Variants in FANCA observed in about 807,000 individuals in gnomAD.
FANCA encodes Fanconi anemia group A protein.
FANCA carries 236 observed loss-of-function variants against 194.3 expected under a neutral mutation model. The ratio of observed to expected loss-of-function variants is 1.21; its 90% CI spans 1.09 to 1.35. The LOEUF is 1.35. FANCA is among the 40% of genes most tolerant of loss of function. The pLI is 0.00. For synonymous variants in FANCA, 1,014 were observed against 715.8 expected (o/e 1.42, Z -6.65); for missense variants, 2,628 against 1,813.9 (o/e 1.45, Z -8.15).
At chr16:89,800,393 A>G (rs2040403207) in intron 8 of FANCA, among the ~76,000 whole-genome samples, 1 of 152,246 alleles carries the variant, frequency 6.6e-6, no homozygotes, top group Admixed American at 6.5e-5. Flanking sequence ...GACTTCCTCA[A>G]ACAAAGCCCA....
At chr16:89,810,242 G>C (rs1466673406) in intron 5 of FANCA, among the ~76,000 whole-genome samples, 2 of 150,452 alleles carry the variant, frequency 1.3e-5, no homozygotes, top group Non-Finnish European at 3.0e-5. Context: ...AGAATGGCGT[G>C]AACCTGGGAG....
chr16:89,789,477 G>A (rs543138898), intron 14 of FANCA, among the ~76,000 whole-genome samples: 196 of 118,584 alleles, frequency 1.7e-3, no homozygotes, highest in African/African-American at 6.3e-3. Context: ...GTCTTGCTCT[G>A]TCTCCCAGGC....
intron 17 of FANCA, among the ~76,000 whole-genome samples, chr16:89,782,182 T>C (rs1393266446): frequency 6.6e-6 from 1 of 151,012 alleles, no homozygotes; most frequent in Non-Finnish European, 1.5e-5. Context: ...GAGATCATCC[T>C]GGCTAACACG....
intron 31 of FANCA, among the ~76,000 whole-genome samples, chr16:89,751,927 C>T (rs748686832): frequency 6.6e-6 from 1 of 151,990 alleles, no homozygotes; most frequent in Admixed American, 6.6e-5. Flanking sequence ...CCCGCCACCA[C>T]GCCCGGCTAA....
intron 37 of FANCA, among the ~76,000 whole-genome samples, chr16:89,741,218 G>C (rs1415946432): frequency 1.3e-5 from 2 of 152,188 alleles, no homozygotes; most frequent in African/African-American, 4.8e-5. Flanking sequence ...AATCCTTGAA[G>C]ATAAGCCCAC....
At chr16:89,804,438 G>T (rs951401166) in intron 7 of FANCA, among the ~76,000 whole-genome samples, 4 of 152,164 alleles carry the variant, frequency 2.6e-5, no homozygotes, top group Admixed American at 2.6e-4. Flanking sequence ...CTCTAGAGCT[G>T]TCCTGCCGCC....
chr16:89,750,039 C>T lies in FANCA; in HGVS notation c.3067-137G>A. ...AAGGAACAAGTGGGGCAAGCTATTT[C>T]AATTGGAAATCACTTTGAAATTGCA... On this transcript the variant is annotated intron_variant, in intron 31 of 42. Transcript: ENST00000389301. 1.3e-5 allele frequency: 11 copies of T among 877,052 alleles called. No individual in the cohort carries two copies. In the South Asian group the frequency reaches 1.4e-4, roughly 11 times the overall value. 54.3% of individuals were successfully genotyped at this position (877,052 alleles called of 1,614,324 possible). A position where few individuals can be genotyped will look rare whatever the true frequency, so the allele number is the denominator to read the frequency against.
intron 14 of FANCA, among the ~76,000 whole-genome samples, chr16:89,786,313 A>C (rs944901255): frequency 6.6e-6 from 1 of 152,124 alleles, no homozygotes; most frequent in African/African-American, 2.4e-5. Context: ...CCTCCTGAGT[A>C]GCTGGGATTA....
chr16:89,774,051 G>A (rs1001418009), intron 21 of FANCA, among the ~76,000 whole-genome samples: 4 of 152,120 alleles, frequency 2.6e-5, no homozygotes, highest in Admixed American at 6.6e-5. Flanking sequence ...TTACGGGCAT[G>A]AGCCACTGCG....
intron 33 of FANCA, 91 bp from the exon 34 acceptor site, chr16:89,746,981 A>G: frequency 8.1e-7 from 1 of 1,233,194 alleles, no homozygotes; most frequent in South Asian, 1.3e-5. Context: ...CAGTTTTGAG[A>G]AAAACACTCG....
intron 17 of FANCA, among the ~76,000 whole-genome samples, chr16:89,780,374 T>G (rs1332857944): frequency 6.6e-6 from 1 of 152,098 alleles, no homozygotes; most frequent in Non-Finnish European, 1.5e-5. Context: ...ATAAACGCAG[T>G]GCTTTGAGAG....
At position 89,748,654 on chromosome 16, in the gene FANCA, C is replaced by T. The variant is rs1343799019; in HGVS notation, c.3348+5G>A. On this transcript the variant is annotated splice_donor_5th_base_variant and intron_variant, in intron 33 of 42. Coordinates refer to ENST00000389301, the MANE Select transcript of FANCA (RefSeq NM_000135.4). ...CGGACGGACACGTGCACACGGGGCA[C>T]CTACCATCTCAGAGTTGACCAAGTG... The T allele has an allele frequency of 6.2e-7, 1 of 1,611,120 alleles. No individual in the cohort carries two copies. Among genetic ancestry groups the T allele is most frequent in the Non-Finnish European group, 8.5e-7 (1 of 1,177,396 alleles).
Position 89,765,027 on chromosome 16 carries a change from G to T in FANCA, c.2641C>A (p.Gln881Lys). 2 of 1,614,250 alleles carry T rather than the reference G, an allele frequency of 1.2e-6. No individual in the cohort carries two copies. The highest frequency in any genetic ancestry group is 1.7e-6 in the Non-Finnish European group (2 of 1,180,040). The change falls in exon 28 of 43, where the codon CAG becomes AAG. Residue 881 changes from glutamine (Q) to lysine (K), a missense_variant. Coordinates refer to ENST00000389301, the MANE Select transcript of FANCA (RefSeq NM_000135.4). ...LMFRLFSEARQPLSEEDVASL... is the reference protein window; with the variant it reads ...LMFRLFSEARKPLSEEDVASL... ...GCTACGTCCTCCTCAGAAAGAGGCT[G>T]TCGGGCCTCTGAGAACAATCTGAAC...
At chr16:89,777,072 T>C (rs1170677846) in intron 20 of FANCA, among the ~76,000 whole-genome samples, 1 of 151,978 alleles carries the variant, frequency 6.6e-6, no homozygotes, top group Non-Finnish European at 1.5e-5. Flanking sequence ...TGGCTGGGTG[T>C]GGTGGAGCGC....
rs1567595013 is a variant in FANCA, at chr16:89,740,026, G to T, written c.3902C>A (p.Ser1301Tyr). Residue 1301 changes from serine to tyrosine, a missense_variant, in exon 39 of 43, where the codon TCC (serine) becomes TAC (tyrosine). Ser to Tyr is a moderately radical substitution (Grantham distance 144). Coordinates refer to ENST00000389301, the MANE Select transcript of FANCA (RefSeq NM_000135.4). ...TGTCAACTGAAAGAGTGCCAGCCAG[G>T]ATATCTTCCTCTTCTCTAAACACTC... Reference protein sequence around the residue: ...ILECLEKRKISWLALFQLTES... With the variant: ...ILECLEKRKIYWLALFQLTES... The T allele has an allele frequency of 6.2e-7, 1 of 1,614,150 alleles. No homozygotes were observed. The highest frequency in any genetic ancestry group is 1.1e-5 in the South Asian group (1 of 91,088).
rs568414978 is a variant in FANCA at position 89,783,708 on chromosome 16, G to A, written c.1471-606C>T. On this transcript the variant is annotated intron_variant, in intron 15 of 42. Transcript: ENST00000389301. Reference sequence around the variant, plus strand: ...GCAGCGGCAGCAGGAACCGGCCCCGGCCGCCTGCAGCTCCATGCCTTTGAC... The same window carrying A: ...GCAGCGGCAGCAGGAACCGGCCCCGACCGCCTGCAGCTCCATGCCTTTGAC... 5.3e-5 allele frequency among the ~76,000 whole-genome samples: 8 copies of A among 152,304 alleles called. No homozygotes were observed. The South Asian group carries it at 1.7e-3, about 32-fold the overall frequency.
chr16:89,750,382 C>T (rs1488186758), intron 31 of FANCA, among the ~76,000 whole-genome samples: 4 of 152,008 alleles, frequency 2.6e-5, no homozygotes, highest in African/African-American at 9.7e-5. Context: ...ACTCAGGCGG[C>T]TGAGGCAGGA....
rs181987923 is a variant in FANCA, at chr16:89,787,592, C to T, written c.1360-2628G>A. Among the ~76,000 whole-genome samples the T allele has an allele frequency of 9.7e-4, 147 of 152,040 alleles. 1 individual carries two copies. Among genetic ancestry groups the T allele is most frequent in the Non-Finnish European group, 1.7e-3 (113 of 67,984 alleles). ...CACAAAAAATTTTTTAATAATTAGCCAGGTGTGGTGACATACACCTGCGGA... is the reference window on the plus strand; with the variant it reads ...CACAAAAAATTTTTTAATAATTAGCTAGGTGTGGTGACATACACCTGCGGA... On this transcript the variant is annotated intron_variant, in intron 14 of 42. Coordinates refer to ENST00000389301, the MANE Select transcript of FANCA (RefSeq NM_000135.4).
chr16:89,760,264 G>C (rs528308781), intron 29 of FANCA, among the ~76,000 whole-genome samples: 2 of 152,226 alleles, frequency 1.3e-5, no homozygotes, highest in Non-Finnish European at 2.9e-5. Flanking sequence ...CCTGCAGAGC[G>C]GGCTTGGCAC....
Sources: gnomAD v4.1 joint callset for allele counts (sites outside exome capture counted in the v4.1 genomes callset) on GRCh38, gnomAD v4.1.1 for gene constraint, MANE v1.5 for transcripts, NCBI Gene and HGNC (gene_info 2026-07-23, HGNC 2026-07-21) for gene names.